SARDH: variants seen among roughly 807,000 people sequenced by gnomAD.
The protein encoded by SARDH is sarcosine dehydrogenase, mitochondrial.
SARDH carries 95 observed loss-of-function variants against 109.1 expected under a neutral mutation model. The ratio of observed to expected loss-of-function variants is 0.87; its 90% confidence interval spans 0.74 to 1.03. The LOEUF (loss-of-function observed/expected upper bound fraction) is 1.03. Ranked by LOEUF, SARDH falls within the 50% of genes least tolerant of loss-of-function variation. SARDH has a pLI of 0.00. For synonymous variants in SARDH, 572 were observed against 534.8 expected (o/e 1.07, Z -0.96); for missense variants, 1,267 against 1,287.8 (o/e 0.98, Z 0.25).
rs565846745 is a variant in SARDH, at chr9:133,719,057, G to A, written c.916-15C>T. 34 of 1,610,342 alleles carry A rather than the reference G, an allele frequency of 2.1e-5. No homozygotes were observed. The African/African-American group carries it at 3.3e-4, about 16-fold the overall frequency. On this transcript the variant is annotated splice_polypyrimidine_tract_variant and intron_variant, in intron 6 of 20. Transcript: ENST00000439388. ...TTGGGCATGTTCTGGAAGGCAGAGA[G>A]AGAGGCCTTGGCATCATCCAGAACT...
intron 11 of SARDH, among the ~76,000 whole-genome samples, chr9:133,707,507 T>C (rs902483250): frequency 1.3e-5 from 2 of 152,148 alleles, no homozygotes; most frequent in Non-Finnish European, 2.9e-5. Context: ...GGATCTCTCT[T>C]GGGGCCAGAC....
chr9:133,698,298 T>G (rs989971372), intron 13 of SARDH, among the ~76,000 whole-genome samples: 1 of 152,190 alleles, frequency 6.6e-6, no homozygotes. Flanking sequence ...AGACAGCCCA[T>G]GTTCATGAAA....
intron 1 of SARDH, 115 bp downstream of exon 1, chr9:133,738,139 T>G (rs1832945846): frequency 1.3e-5 from 2 of 152,362 alleles, no homozygotes; most frequent in Non-Finnish European, 2.9e-5. Context: ...TGCAGCTGGA[T>G]GGTCCCTGCA....
chr9:133,668,402 T>TCATTCTCCC lies in SARDH; in HGVS notation c.2496-1533_2496-1532insGGGAGAATG, dbSNP rs1157015695. Among the ~76,000 whole-genome samples the TCATTCTCCC allele has an allele frequency of 2.9e-4, 11 of 37,694 alleles. No homozygotes were observed. The Admixed American group carries it at 3.1e-3, about 11-fold the overall frequency. 24.7% of individuals were successfully genotyped at this position (37,694 alleles called of 152,430 possible). A position where few individuals can be genotyped will look rare whatever the true frequency, so the allele number is the denominator to read the frequency against. Reference sequence around the variant, plus strand: ...CCCTCAGCCTCCCTCTCCCTCTCCCTTCACCCTCCCTCTCCCTCTCCCTTC... The same window carrying TCATTCTCCC: ...CCCTCAGCCTCCCTCTCCCTCTCCCTCATTCTCCCTCACCCTCCCTCTCCCTCTCCCTTC... On this transcript the variant is annotated intron_variant, in intron 19 of 20. Transcript: ENST00000439388.
chr9:133,706,565 A>T (rs2131427783), intron 11 of SARDH, among the ~76,000 whole-genome samples: 1 of 152,394 alleles, frequency 6.6e-6, no homozygotes, highest in South Asian at 2.1e-4. Context: ...ACTTAATGCC[A>T]CTGAATTGTA....
chr9:133,669,940 TGAGACCTGCATGG>T (rs1340608246), intron 19 of SARDH, among the ~76,000 whole-genome samples: 2 of 152,200 alleles, frequency 1.3e-5, no homozygotes, highest in Non-Finnish European at 2.9e-5. Flanking sequence ...CTTTCTCTTT[TGAGACCTGCATGG>T]GAAGAGTGTG....
chr9:133,692,603 C>T lies in SARDH; in HGVS notation c.1921+1655G>A, dbSNP rs1367745199. ...GCCTTCCCTAACACCTCGCTCTTTC[C>T]CATCCCCTTGCATGTCCCCCTCCAG... On this transcript the variant is annotated intron_variant, in intron 15 of 20. Transcript: ENST00000439388. The surrounding 1 kb of genome is among the most constrained non-coding windows in gnomAD (Gnocchi z 5.0). Among the ~76,000 whole-genome samples the T allele has an allele frequency of 1.3e-5, 2 of 152,144 alleles. No individual in the cohort carries two copies. The highest frequency in any genetic ancestry group is 1.9e-4 in the East Asian group (1 of 5,184).
In SARDH at chr9:133,679,565, G is replaced by A. The variant is rs559131036; in HGVS notation, c.2163+5628C>T. 4.3e-4 allele frequency among the ~76,000 whole-genome samples: 65 copies of A among 152,328 alleles called. 1 individual carries two copies. Among genetic ancestry groups the A allele is most frequent in the Middle Eastern group, 6.8e-3 (2 of 294 alleles). On this transcript the variant is annotated intron_variant, in intron 17 of 20. Transcript: ENST00000439388. ...GGCCCTGGGAACACCGTGTCTGGCC[G>A]AGCGGAGCTCTGGGAGACACGCCGG... is the stretch of plus-strand genomic sequence containing the variant.
chr9:133,716,376 C>T (rs1832122714), intron 8 of SARDH, among the ~76,000 whole-genome samples: 1 of 152,266 alleles, frequency 6.6e-6, no homozygotes, highest in African/African-American at 2.4e-5. Context: ...AGCTCCTGGG[C>T]TGCCCCACAC....
At chr9:133,725,145 C>T (rs1034484065) in intron 6 of SARDH, among the ~76,000 whole-genome samples, 9 of 152,146 alleles carry the variant, frequency 5.9e-5, no homozygotes, top group Non-Finnish European at 7.3e-5. Context: ...TTATACTAAA[C>T]GTCCAGAATA....
chr9:133,705,016 C>A lies in SARDH; in HGVS notation c.1486G>T (p.Gly496Cys), dbSNP rs1433805305. ...CCATGCCGCTCCTGGAACACGCAGC[C>A]TTGTCCAAGGAGTTCCTGAGCAGGA... ...DPLHEELLGQ[G>C]CVFQERHGWE... The change falls in exon 12 of 21, where the codon GGC becomes TGC. Residue 496 changes from glycine (G) to cysteine (C), a missense_variant. Transcript: ENST00000439388. The A allele has an allele frequency of 3.1e-6, 5 of 1,592,166 alleles. No homozygotes were observed. The highest frequency in any genetic ancestry group is 2.3e-5 in the South Asian group (2 of 87,032).
intron 17 of SARDH, among the ~76,000 whole-genome samples, chr9:133,675,275 A>C (rs2519117): frequency 0.54 from 81,932 of 151,708 alleles, 23,255 homozygotes; most frequent in East Asian, 0.78. Flanking sequence ...CACTTGAATC[A>C]AGGAGGTGGA....
In SARDH at chr9:133,694,270, G is replaced by C. The variant is rs1319979432; in HGVS notation, c.1909C>G (p.Pro637Ala). Residue 637 changes from proline to alanine, a missense_variant, in exon 15 of 21, where the codon CCC (proline) becomes GCC (alanine). Pro to Ala is a conservative substitution (Grantham distance 27). Coordinates refer to ENST00000439388, the MANE Select transcript of SARDH (RefSeq NM_001134707.2). ...AGGCATCCCATACCTTCAAAGGCGGGGGCCAGCGGGGAGGCCTGGTGGCTG... is the reference window on the plus strand; with the variant it reads ...AGGCATCCCATACCTTCAAAGGCGGCGGCCAGCGGGGAGGCCTGGTGGCTG... ...APSHQASPLA[P>A]AFEGDGYYLA... The C allele has an allele frequency of 2.6e-6, 4 of 1,548,794 alleles. No individual in the cohort carries two copies. The highest frequency in any genetic ancestry group is 2.6e-6 in the Non-Finnish European group (3 of 1,145,514).
rs1001423256 is a variant in SARDH at position 133,709,203 on chromosome 9, G to A, written c.1329-775C>T. 2.0e-5 allele frequency among the ~76,000 whole-genome samples: 3 copies of A among 152,120 alleles called. No homozygotes were observed. The highest frequency in any genetic ancestry group is 4.8e-5 in the African/African-American group (2 of 41,434). On this transcript the variant is annotated intron_variant, in intron 10 of 20. Transcript: ENST00000439388. This position sits in a 1 kb window ranked among gnomAD's most constrained non-coding sequence, Gnocchi z 4.2. ...CCCCGGTGGTGTCCAGCACGAACCC[G>A]GCGGGCCCCATGCTATTTCTCATGG...
rs139064977 is a variant in SARDH, at chr9:133,719,319, A to G, written c.916-277T>C. ...GGATCGAGGAAGAGAGCAAGGGAGG[A>G]AGGGAGGGAAGCAAAACATATAACC... On this transcript the variant is annotated intron_variant, in intron 6 of 20. Coordinates refer to ENST00000439388, the MANE Select transcript of SARDH (RefSeq NM_001134707.2). 9.1e-3 allele frequency among the ~76,000 whole-genome samples: 1,393 copies of G among 152,290 alleles called. 18 individuals carry two copies. The highest frequency in any genetic ancestry group is 0.031 in the African/African-American group (1,296 of 41,554).
In SARDH at chr9:133,723,875, C is replaced by T. The variant is rs186427791; in HGVS notation, c.916-4833G>A. ...AGACTTTGTAAAAAATGTTGCTGGG[C>T]CAACTGGATAGCCACATGCAAAAGA... is the stretch of plus-strand genomic sequence containing the variant. On this transcript the variant is annotated intron_variant, in intron 6 of 20. Transcript: ENST00000439388. 2.9e-4 allele frequency among the ~76,000 whole-genome samples: 44 copies of T among 152,280 alleles called. 1 individual carries two copies. The highest frequency in any genetic ancestry group is 5.9e-5 in the Non-Finnish European group (4 of 68,034).
At position 133,690,496 on chromosome 9, in the gene SARDH, G is replaced by A. The variant is rs367574128; in HGVS notation, c.1953C>T (p.Ala651=). The A allele has an allele frequency of 3.4e-5, 55 of 1,609,268 alleles. No homozygotes were observed. Among genetic ancestry groups the A allele is most frequent in the Non-Finnish European group, 4.6e-5 (54 of 1,179,320 alleles). The part of the protein sequence containing the change: ...GDGYYLAMGG[A]VAQHNWSHIT... Reference sequence around the variant, plus strand: ...TGTGGGACCAGTTGTGCTGGGCCACGGCCCCGCCCATGGCCAGGTAGTAAC... The same window carrying A: ...TGTGGGACCAGTTGTGCTGGGCCACAGCCCCGCCCATGGCCAGGTAGTAAC... Residue 651 remains alanine (A), a synonymous_variant, in exon 16 of 21, where the codon GCC becomes GCT. Transcript: ENST00000439388.
At chr9:133,732,661 G>A in intron 2 of SARDH, 60 bp from the exon 3 acceptor site, 1 of 1,518,986 alleles carries the variant, frequency 6.6e-7, no homozygotes, top group Non-Finnish European at 8.9e-7. Context: ...CCTTCCCCCA[G>A]ACGAATATCA....
chr9:133,707,846 G>A (rs560029789), intron 11 of SARDH, among the ~76,000 whole-genome samples: 1 of 152,114 alleles, frequency 6.6e-6, no homozygotes, highest in African/African-American at 2.4e-5. Flanking sequence ...TGGGTGAGTC[G>A]AAGCTCACCA....
Sources: allele counts gnomAD v4.1 joint callset (sites outside exome capture counted in the v4.1 genomes callset), GRCh38; gene constraint gnomAD v4.1.1; non-coding constraint Gnocchi (gnomAD v3.1); transcripts MANE v1.5; gene names NCBI Gene and HGNC (gene_info 2026-07-23, HGNC 2026-07-21).